The following SCMH1 variants were observed in gnomAD, a reference collection of about 807,000 sequenced individuals.
The protein encoded by SCMH1 is Scm polycomb group protein homolog 1.
SCMH1 carries 37 observed loss-of-function variants against 70.8 expected under a neutral mutation model. The ratio of observed to expected loss-of-function variants is 0.52; its 90% CI spans 0.40 to 0.69. SCMH1 has a LOEUF of 0.69. Among genes scored for constraint, SCMH1 ranks in the 30% least tolerant of loss-of-function variants. The pLI, the probability that SCMH1 is intolerant of heterozygous loss-of-function variation, is 0.00. For synonymous variants in SCMH1, 292 were observed against 307.4 expected (o/e 0.95, Z 0.52); for missense variants, 607 against 827.3 (o/e 0.73, Z 3.27).
chr1:41,203,932 T>C (rs753398727), intron 1 of SCMH1, among the ~76,000 whole-genome samples: 1 of 152,166 alleles, frequency 6.6e-6, no homozygotes, highest in Non-Finnish European at 1.5e-5. Context: ...ACCCCTGATT[T>C]CCCACTTCAC....
At chr1:41,189,094 C>T (rs1229186575) in intron 1 of SCMH1, among the ~76,000 whole-genome samples, 1 of 152,210 alleles carries the variant, frequency 6.6e-6, no homozygotes, top group Non-Finnish European at 1.5e-5. Flanking sequence ...ACAGAGGATT[C>T]ATCTGTGATG....
At chr1:41,172,060 C>T (rs1261592031) in intron 2 of SCMH1, among the ~76,000 whole-genome samples, 1 of 151,812 alleles carries the variant, frequency 6.6e-6, no homozygotes, top group Non-Finnish European at 1.5e-5. Flanking sequence ...AGGATGGAGG[C>T]ACATGCCTGT....
intron 10 of SCMH1, 35 bp downstream of exon 10, chr1:41,070,560 G>T (rs963611632): frequency 6.2e-7 from 1 of 1,613,258 alleles, no homozygotes; most frequent in African/African-American, 1.3e-5. Flanking sequence ...TAGGTCTGGG[G>T]CTTGTGCGCA....
chr1:41,117,644 G>A (rs1026548612), intron 6 of SCMH1, among the ~76,000 whole-genome samples: 38 of 152,126 alleles, frequency 2.5e-4, no homozygotes, highest in Non-Finnish European at 1.5e-4. Flanking sequence ...TTCCTAGTTC[G>A]CCTTCATGTT....
intron 1 of SCMH1, among the ~76,000 whole-genome samples, chr1:41,221,834 G>A (rs979077055): frequency 1.5e-5 from 2 of 130,614 alleles, no homozygotes; most frequent in African/African-American, 2.9e-5. Context: ...AGAGGTTGCT[G>A]TGAGCCAACA....
rs766520686 is a variant in SCMH1 at position 41,113,320 on chromosome 1, G to A, written c.708C>T (p.Ser236=). The A allele has an allele frequency of 6.2e-7, 1 of 1,613,832 alleles. No homozygotes were observed. Among genetic ancestry groups the A allele is most frequent in the South Asian group, 1.1e-5 (1 of 91,050 alleles). Residue 236 remains serine, a synonymous_variant, in exon 8 of 15, where the codon TCC becomes TCT. Coordinates refer to ENST00000337495, the Ensembl canonical transcript of SCMH1. The surrounding 1 kb of genome is among the most constrained non-coding windows in gnomAD (Gnocchi z 4.3). ...GAGGCTGCAGGTTGTCTCCAGTCAA[G>A]GAACACCAGCCCACAGGGAAGATGT...
At chr1:41,042,033 C>T (rs549334559) in intron 12 of SCMH1, among the ~76,000 whole-genome samples, 37 of 152,242 alleles carry the variant, frequency 2.4e-4, no homozygotes, top group African/African-American at 8.7e-4. Context: ...AAGCCACTTA[C>T]TTGATCTAGC....
chr1:41,223,304 T>C (rs1193673351), intron 1 of SCMH1, among the ~76,000 whole-genome samples: 3 of 152,216 alleles, frequency 2.0e-5, no homozygotes, highest in Non-Finnish European at 4.4e-5. Flanking sequence ...AAATGCAAAC[T>C]GTGCCCAGGT....
chr1:41,070,687 G>A (rs759267924), exon 10 of SCMH1: 13 of 1,614,092 alleles, frequency 8.1e-6, no homozygotes, highest in Admixed American at 1.7e-5. Flanking sequence ...TGTTGGTGAG[G>A]CAGGTGGTGG....
intron 1 of SCMH1, among the ~76,000 whole-genome samples, chr1:41,190,635 C>T (rs373232432): frequency 2.6e-4 from 40 of 152,212 alleles, no homozygotes; most frequent in African/African-American, 9.4e-4. Context: ...ATAAACAACA[C>T]TGTGCAAGTT....
intron 14 of SCMH1, 123 bp from the exon 16 acceptor site, chr1:41,028,442 C>T: frequency 6.6e-7 from 1 of 1,508,520 alleles, no homozygotes; most frequent in Non-Finnish European, 9.1e-7. Flanking sequence ...GAGTCCAGTT[C>T]ACCTGCTGTG....
At chr1:41,073,618 TCATCCATCCATCCATCCATCCATCCATC>T (rs3831833) in intron 9 of SCMH1, among the ~76,000 whole-genome samples, 2 of 148,752 alleles carry the variant, frequency 1.3e-5, no homozygotes, top group South Asian at 4.4e-4. Flanking sequence ...ATCACTAAAA[TCATCCATCCATCCATCCATCCATCCATC>T]CATCCATCCA....
intron 1 of SCMH1, among the ~76,000 whole-genome samples, chr1:41,187,527 T>G (rs995904994): frequency 3.3e-5 from 5 of 151,776 alleles, no homozygotes; most frequent in Admixed American, 2.0e-4. Flanking sequence ...ATCTCAGTTT[T>G]CTTATTAGTA....
intron 8 of SCMH1, among the ~76,000 whole-genome samples, chr1:41,083,095 A>C (rs1268955038): frequency 6.6e-6 from 1 of 152,198 alleles, no homozygotes; most frequent in East Asian, 1.9e-4. Context: ...TACCACTCCT[A>C]TTCAACATAG....
chr1:41,123,734 T>C (rs2147985111), intron 6 of SCMH1, among the ~76,000 whole-genome samples: 1 of 152,272 alleles, frequency 6.6e-6, no homozygotes, highest in African/African-American at 2.4e-5. Flanking sequence ...AGCTTTGAGA[T>C]AACTGAGGAG....
intron 6 of SCMH1, among the ~76,000 whole-genome samples, chr1:41,118,141 TAAGA>T (rs2147918027): frequency 6.6e-6 from 1 of 152,282 alleles, no homozygotes; most frequent in South Asian, 2.1e-4. Context: ...CACAGACTGT[TAAGA>T]AAGGACTTAA....
At chr1:41,048,759 C>T (rs779280545) in exon 11 of SCMH1, 8 of 1,613,996 alleles carry the variant, frequency 5.0e-6, no homozygotes, top group Admixed American at 1.7e-5. Flanking sequence ...TAAGCACAGT[C>T]GATACAGGCC....
intron 6 of SCMH1, among the ~76,000 whole-genome samples, chr1:41,119,050 T>C (rs1055160132): frequency 6.6e-6 from 1 of 152,190 alleles, no homozygotes; most frequent in African/African-American, 2.4e-5. Flanking sequence ...TGAAGTTAAA[T>C]AAATTGCTTA....
intron 2 of SCMH1, among the ~76,000 whole-genome samples, chr1:41,166,155 G>T (rs1389845406): frequency 6.6e-6 from 1 of 152,084 alleles, no homozygotes; most frequent in Non-Finnish European, 1.5e-5. Context: ...GACTGTAGAT[G>T]CATGGGTTTA....
Sources: gnomAD v4.1 joint callset for allele counts (sites outside exome capture counted in the v4.1 genomes callset) on GRCh38, gnomAD v4.1.1 for gene constraint, Gnocchi (gnomAD v3.1) non-coding constraint, MANE v1.5 for transcripts, NCBI Gene and HGNC (gene_info 2026-07-23, HGNC 2026-07-21) for gene names.